Variants in SIPA1L2 observed in about 807,000 individuals in gnomAD.
SIPA1L2 encodes signal-induced proliferation-associated 1-like protein 2.
A neutral mutation model predicts 163.9 loss-of-function variants in SIPA1L2; 56 were observed. The ratio of observed to expected loss-of-function variants is 0.34; its 90% CI spans 0.28 to 0.43. The LOEUF (loss-of-function observed/expected upper bound fraction) is 0.43. SIPA1L2 is among the 20% of genes least tolerant of loss of function. The pLI is 1.00. For synonymous variants in SIPA1L2, 877 were observed against 865.7 expected (o/e 1.01, Z -0.23); for missense variants, 1,974 against 2,193.5 (o/e 0.90, Z 2.00).
At chr1:232,475,350 C>T (rs1252900065) in intron 7 of SIPA1L2, among the ~76,000 whole-genome samples, 1 of 152,178 alleles carries the variant, frequency 6.6e-6, no homozygotes, top group African/African-American at 2.4e-5. Context: ...TTGGCTTTTC[C>T]TCTTTTAGGG....
chr1:232,420,687 T>G (rs573526296), intron 18 of SIPA1L2, among the ~76,000 whole-genome samples: 49 of 151,886 alleles, frequency 3.2e-4, no homozygotes, highest in Non-Finnish European at 6.9e-4. Flanking sequence ...TACAAAAAAT[T>G]AGCCAGGTGC....
intron 8 of SIPA1L2, 46 bp downstream of exon 8, chr1:232,471,325 T>C (rs1047355317): frequency 6.4e-7 from 1 of 1,557,002 alleles, no homozygotes. Context: ...AGACGCCCTG[T>C]TGAAATAAAC....
chr1:232,566,767 G>C (rs1659429939), intron 2 of SIPA1L2, among the ~76,000 whole-genome samples: 1 of 152,156 alleles, frequency 6.6e-6, no homozygotes, highest in African/African-American at 2.4e-5. Flanking sequence ...TTAGAAGTCT[G>C]ATTATTTCAA....
At chr1:232,433,988 G>A (rs1417987740) in intron 15 of SIPA1L2, among the ~76,000 whole-genome samples, 1 of 152,190 alleles carries the variant, frequency 6.6e-6, no homozygotes. Flanking sequence ...GTTAATATTA[G>A]TGAAGCACTT....
intron 3 of SIPA1L2, among the ~76,000 whole-genome samples, chr1:232,499,090 C>A (rs748344694): frequency 1.3e-5 from 2 of 152,174 alleles, no homozygotes; most frequent in African/African-American, 2.4e-5. Context: ...AAATTACACT[C>A]ATCAATTGCC....
chr1:232,493,680 G>A lies in SIPA1L2; in HGVS notation c.1484-20C>T, dbSNP rs758486751. The A allele has an allele frequency of 6.2e-7, 1 of 1,612,864 alleles. No homozygotes were observed. Among genetic ancestry groups the A allele is most frequent in the Non-Finnish European group, 8.5e-7 (1 of 1,179,578 alleles). ...GGTGCTCTATAATGGAAGAGAGAGG[G>A]TGGCATCAAAAGAATGAAAAAGGAA... On this transcript the variant is annotated intron_variant, in intron 3 of 22. Transcript: ENST00000674635.
rs1362901836 is a variant in SIPA1L2, at chr1:232,465,608, G to A, written c.2244-192C>T. ...GCAAGTTCTTGTTCTCCTAATTGCTGCATACCCAGGGTTTGTTGTTATTGT... is the reference window on the plus strand; with the variant it reads ...GCAAGTTCTTGTTCTCCTAATTGCTACATACCCAGGGTTTGTTGTTATTGT... On this transcript the variant is annotated intron_variant, in intron 8 of 22. Coordinates refer to ENST00000674635, the MANE Select transcript of SIPA1L2 (RefSeq NM_020808.5). This position sits in a 1 kb window ranked among gnomAD's most constrained non-coding sequence, Gnocchi z 4.1. Among the ~76,000 whole-genome samples the A allele has an allele frequency of 6.6e-6, 1 of 151,806 alleles. No homozygotes were observed. Among genetic ancestry groups the A allele is most frequent in the Non-Finnish European group, 1.5e-5 (1 of 67,988 alleles).
intron 18 of SIPA1L2, among the ~76,000 whole-genome samples, chr1:232,420,631 G>C (rs377533909): frequency 6.6e-6 from 1 of 151,910 alleles, no homozygotes; most frequent in East Asian, 1.9e-4. Context: ...ATCAGGAGAT[G>C]GAGACCATCC....
Position 232,514,131 on chromosome 1 carries a change from G to T in SIPA1L2, c.1209C>A (p.Asn403Lys). 1 of 1,614,184 alleles carries T rather than the reference G, an allele frequency of 6.2e-7. No individual in the cohort carries two copies. Among genetic ancestry groups the T allele is most frequent in the East Asian group, 2.2e-5 (1 of 44,882 alleles). ...AGTAAGGACAACTAAGGACGAGGTC[G>T]TTACTTTTCCCATCACCCTCATCGG... is the stretch of plus-strand genomic sequence containing the variant. ...LDADEGDGKSNDLVLSCPYFR... is the reference protein window; with the variant it reads ...LDADEGDGKSKDLVLSCPYFR... The change falls in exon 3 of 23, where the codon AAC becomes AAA. Residue 403 changes from asparagine to lysine, a missense_variant. By Grantham distance (94) the Asn-to-Lys change is moderately conservative (BLOSUM62 0). Transcript: ENST00000674635.
intron 2 of SIPA1L2, among the ~76,000 whole-genome samples, chr1:232,555,874 T>C (rs1432363281): frequency 6.6e-6 from 1 of 152,216 alleles, no homozygotes. Flanking sequence ...ACAAAGGTAT[T>C]AGCTCACAAG....
chr1:232,441,846 C>T lies in SIPA1L2; in HGVS notation c.3460G>A (p.Glu1154Lys), dbSNP rs757986732. The change falls in exon 13 of 23, where the codon GAA becomes AAA. Residue 1154 changes from glutamate to lysine, a missense_variant. Glu to Lys is a moderately conservative substitution (Grantham distance 56, BLOSUM62 1). Around this residue, in one of 3 missense-constraint regions of SIPA1L2, gnomAD observed 1,079 missense variants for 1,150.7 expected, o/e 0.94. Coordinates refer to ENST00000674635, the MANE Select transcript of SIPA1L2 (RefSeq NM_020808.5). ...YDGCQSPLLL[E>K]HQGSGPLECD... ...TCCAAAGGGCCTGAGCCCTGGTGTTCGAGCAGTAGAGGGGACTGGCACCTG... is the reference window on the plus strand; with the variant it reads ...TCCAAAGGGCCTGAGCCCTGGTGTTTGAGCAGTAGAGGGGACTGGCACCTG... 6.2e-6 allele frequency: 10 copies of T among 1,613,010 alleles called. No individual in the cohort carries two copies. The highest frequency in any genetic ancestry group is 2.2e-5 in the East Asian group (1 of 44,850).
chr1:232,415,589 T>A lies in SIPA1L2; in HGVS notation c.4667A>T (p.Lys1556Met). 1 of 1,613,986 alleles carries A rather than the reference T, an allele frequency of 6.2e-7. No individual in the cohort carries two copies. Among genetic ancestry groups the A allele is most frequent in the Non-Finnish European group, 8.5e-7 (1 of 1,179,956 alleles). Residue 1556 changes from lysine (K) to methionine (M), a missense_variant, in exon 19 of 23, where the codon AAG (lysine) becomes ATG (methionine). By Grantham distance (95) the Lys-to-Met change is moderately conservative (BLOSUM62 -1). Around this residue, in one of 3 missense-constraint regions of SIPA1L2, gnomAD observed 1,079 missense variants for 1,150.7 expected, o/e 0.94. Transcript: ENST00000674635. The stretch of plus-strand genomic sequence containing the variant: ...CAGGCCAGGATCTGCGCACTTGGAC[T>A]TATCTGATAAGGACCCATCGGAGAA... ...FWFSDGSLSDKSKCADPGLMP... is the reference protein window; with the variant it reads ...FWFSDGSLSDMSKCADPGLMP...
intron 2 of SIPA1L2, among the ~76,000 whole-genome samples, chr1:232,525,833 C>G (rs1208603514): frequency 1.3e-5 from 2 of 152,138 alleles, no homozygotes; most frequent in African/African-American, 4.8e-5. Context: ...ACCACAGATG[C>G]AAACTATGAG....
chr1:232,618,653 CAAA>C (rs56213704), intron 1 of SIPA1L2, among the ~76,000 whole-genome samples: 3 of 119,992 alleles, frequency 2.5e-5, no homozygotes, highest in Admixed American at 8.6e-5. Context: ...GACTCCATCT[CAAA>C]AAAAAAAAAA....
chr1:232,571,832 G>A (rs1007611450), intron 2 of SIPA1L2, among the ~76,000 whole-genome samples: 2 of 152,140 alleles, frequency 1.3e-5, no homozygotes, highest in African/African-American at 4.8e-5. Flanking sequence ...CTACCTAAAA[G>A]CTTTCTTAGG....
rs751176998 is a variant in SIPA1L2 at position 232,514,561 on chromosome 1, C to G, written c.779G>C (p.Gly260Ala). The G allele has an allele frequency of 1.2e-6, 2 of 1,614,038 alleles. No individual in the cohort carries two copies. The highest frequency in any genetic ancestry group is 8.5e-7 in the Non-Finnish European group (1 of 1,180,034). Reference protein sequence around the residue: ...ISRGEFVRISGLDYVDSALLM... With the variant: ...ISRGEFVRISALDYVDSALLM... ...GAGGGCACTGTCCACATAATCTAAT[C>G]CTGAGATGCGGACAAATTCTCCCCT... is the stretch of plus-strand genomic sequence containing the variant. Residue 260 changes from glycine to alanine, a missense_variant, in exon 3 of 23, where the codon GGA becomes GCA. By Grantham distance (60) the Gly-to-Ala change is moderately conservative (BLOSUM62 0). Around this residue, in one of 3 missense-constraint regions of SIPA1L2, gnomAD observed 607 missense variants for 624.0 expected, o/e 0.97. Coordinates refer to ENST00000674635, the MANE Select transcript of SIPA1L2 (RefSeq NM_020808.5).
chr1:232,442,025 C>T (rs548851080), intron 12 of SIPA1L2, among the ~76,000 whole-genome samples, 157 bp from the exon 13 acceptor site: 58 of 152,136 alleles, frequency 3.8e-4, no homozygotes, highest in African/African-American at 1.3e-3. Context: ...AGCTCAGCCC[C>T]GCCAGAGAAG....
chr1:232,409,417 G>C (rs188465779), intron 19 of SIPA1L2, among the ~76,000 whole-genome samples: 1 of 152,262 alleles, frequency 6.6e-6, no homozygotes, highest in East Asian at 1.9e-4. Flanking sequence ...GTGGAAAGCT[G>C]TCTCCAAAGA....
At chr1:232,473,350 G>A (rs960000711) in intron 7 of SIPA1L2, among the ~76,000 whole-genome samples, 4 of 152,200 alleles carry the variant, frequency 2.6e-5, no homozygotes, top group African/African-American at 7.2e-5. Context: ...GGAATTCTCA[G>A]ACTGTCAAAA....
Sources: gnomAD v4.1 joint callset for allele counts (sites outside exome capture counted in the v4.1 genomes callset) on GRCh38, gnomAD v4.1.1 for gene constraint, gnomAD v4.1.1 regional missense constraint, Gnocchi (gnomAD v3.1) non-coding constraint, MANE v1.5 for transcripts, NCBI Gene and HGNC (gene_info 2026-07-23, HGNC 2026-07-21) for gene names.